The following WDFY3 variants were observed in gnomAD, a reference collection of about 807,000 sequenced individuals.
WDFY3 encodes WD repeat and FYVE domain-containing protein 3.
A neutral mutation model predicts 409.6 loss-of-function variants in WDFY3; 66 were observed. The observed-to-expected ratio is 0.16, with a 90% CI of 0.13 to 0.20. The LOEUF (loss-of-function observed/expected upper bound fraction) is 0.20. WDFY3 is among the 10% of genes least tolerant of loss of function. WDFY3 has a pLI of 1.00. For missense variants in WDFY3, 3,031 were observed against 4,298.1 expected (o/e 0.71, Z 8.24); for synonymous variants, 1,521 against 1,537.1 (o/e 0.99, Z 0.25).
intron 34 of WDFY3, among the ~76,000 whole-genome samples, chr4:84,754,472 T>C (rs918059143): frequency 6.6e-6 from 1 of 152,252 alleles, no homozygotes; most frequent in South Asian, 2.1e-4. Flanking sequence ...ATACATTTAA[T>C]GGTAATGTTC....
At position 84,671,361 on chromosome 4, in the gene WDFY3, G is replaced by C. The variant is rs1027721487; in HGVS notation, c.*1507C>G. On this transcript the variant is annotated 3_prime_UTR_variant, in exon 68 of 68. Coordinates refer to ENST00000295888, the MANE Select transcript of WDFY3 (RefSeq NM_014991.6). ...TTTCCTTTCGCACCTGTGAAGGTGT[G>C]AAGGCCTATCTTGGGCCATTAATGA... The C allele has an allele frequency of 6.6e-6, 1 of 152,522 alleles. No homozygotes were observed. The highest frequency in any genetic ancestry group is 6.6e-5 in the Admixed American group (1 of 15,262). 9.4% of individuals were successfully genotyped at this position (152,522 alleles called of 1,614,324 possible).
intron 2 of WDFY3, among the ~76,000 whole-genome samples, chr4:84,912,136 C>A (rs1231452845): frequency 6.6e-6 from 1 of 152,152 alleles, no homozygotes; most frequent in African/African-American, 2.4e-5. Flanking sequence ...ATATCATAAA[C>A]CTTGACTAAC....
intron 2 of WDFY3, among the ~76,000 whole-genome samples, chr4:84,924,630 G>C (rs1769733599): frequency 1.3e-5 from 2 of 152,078 alleles, no homozygotes. Context: ...GAAAAACCAG[G>C]CTTTAGAAAC....
At chr4:84,949,153 T>A (rs1046551468) in intron 1 of WDFY3, among the ~76,000 whole-genome samples, 2 of 152,136 alleles carry the variant, frequency 1.3e-5, no homozygotes, top group African/African-American at 4.8e-5. Context: ...TCTGCCCTAC[T>A]CTACAACTTG....
chr4:84,951,581 C>A (rs1022443996), intron 1 of WDFY3, among the ~76,000 whole-genome samples: 2 of 152,124 alleles, frequency 1.3e-5, no homozygotes, highest in African/African-American at 4.8e-5. Context: ...CAACAACATG[C>A]CACACATGCT....
intron 29 of WDFY3, among the ~76,000 whole-genome samples, chr4:84,773,158 G>A (rs1176438146): frequency 6.6e-6 from 1 of 151,580 alleles, no homozygotes; most frequent in Non-Finnish European, 1.5e-5. Context: ...TACCACCAGC[G>A]AGAAAGATAA....
At chr4:84,694,629 T>C (rs1338713759) in intron 58 of WDFY3, among the ~76,000 whole-genome samples, 1 of 152,178 alleles carries the variant, frequency 6.6e-6, no homozygotes, top group East Asian at 1.9e-4. Flanking sequence ...TCAGCAAGCA[T>C]TTTGCTTTAA....
intron 1 of WDFY3, among the ~76,000 whole-genome samples, chr4:84,938,716 C>T (rs751752903): frequency 2.6e-5 from 4 of 152,106 alleles, no homozygotes; most frequent in Non-Finnish European, 5.9e-5. Context: ...ACAAAAATCA[C>T]TCATACTCAG....
chr4:84,744,985 G>C (rs1399511571), intron 36 of WDFY3, among the ~76,000 whole-genome samples: 1 of 151,974 alleles, frequency 6.6e-6, no homozygotes, highest in Admixed American at 6.6e-5. Flanking sequence ...GGAGGACGGT[G>C]AACAACCCTA....
intron 13 of WDFY3, 99 bp downstream of exon 13, chr4:84,817,292 AT>A: frequency 8.2e-6 from 12 of 1,462,262 alleles, no homozygotes; most frequent in Admixed American, 2.1e-5. Context: ...GGTAATTTGG[AT>A]TTTTTTTAAT....
chr4:84,789,660 C>CAG, intron 22 of WDFY3, 66 bp downstream of exon 22: 1 of 1,514,072 alleles, frequency 6.6e-7, no homozygotes, highest in East Asian at 2.3e-5. Context: ...CACACACACA[C>CAG]ACACACACAC....
intron 5 of WDFY3, among the ~76,000 whole-genome samples, chr4:84,845,088 AC>A (rs1266001133): frequency 1.3e-5 from 2 of 152,210 alleles, no homozygotes; most frequent in Non-Finnish European, 2.9e-5. Flanking sequence ...TGAGATATCT[AC>A]AGCCCATATC....
intron 1 of WDFY3, among the ~76,000 whole-genome samples, chr4:84,945,893 G>A (rs1439600957): frequency 6.6e-6 from 1 of 152,106 alleles, no homozygotes; most frequent in East Asian, 1.9e-4. Context: ...TGAAAGCAGA[G>A]TTTTATTTCC....
intron 3 of WDFY3, among the ~76,000 whole-genome samples, chr4:84,885,495 C>A (rs1764095554): frequency 6.6e-6 from 1 of 150,982 alleles, no homozygotes; most frequent in African/African-American, 2.4e-5. Context: ...TGTAAGCCAA[C>A]AAAAAAAGAG....
chr4:84,876,911 C>T (rs1176136950), intron 3 of WDFY3, among the ~76,000 whole-genome samples: 1 of 152,184 alleles, frequency 6.6e-6, no homozygotes, highest in African/African-American at 2.4e-5. Context: ...TTACATTAAT[C>T]ATTTGTTCTA....
chr4:84,792,848 T>C (rs543695792), intron 21 of WDFY3, among the ~76,000 whole-genome samples: 1 of 152,204 alleles, frequency 6.6e-6, no homozygotes, highest in Non-Finnish European at 1.5e-5. Context: ...ATTTCCTCTA[T>C]TCATGCATTT....
chr4:84,683,091 A>C (rs1452772778), intron 63 of WDFY3: 1 of 152,666 alleles, frequency 6.6e-6, no homozygotes, highest in African/African-American at 2.4e-5. Context: ...CCAAGAGGGC[A>C]TACAGTAAAC....
rs115396565 is a variant in WDFY3, at chr4:84,713,423, C to A, written c.7962-184G>T. The stretch of plus-strand genomic sequence containing the variant: ...CTCTAAAGAGGAAATAATTTCTTAG[C>A]ACTGAAAACAATAGCACCTTTAGAA... On this transcript the variant is annotated intron_variant, in intron 50 of 67. Transcript: ENST00000295888. Among the ~76,000 whole-genome samples, 1,042 of 152,230 alleles carry A rather than the reference C, an allele frequency of 6.8e-3. 14 individuals are homozygous for A. The highest frequency in any genetic ancestry group is 0.022 in the African/African-American group (917 of 41,536).
chr4:84,853,434 A>G (rs950991740), intron 4 of WDFY3, among the ~76,000 whole-genome samples: 30 of 152,140 alleles, frequency 2.0e-4, no homozygotes, highest in African/African-American at 6.8e-4. Flanking sequence ...TCGGCCTCCC[A>G]AAGTGCTGGG....
Sources: allele counts gnomAD v4.1 joint callset (sites outside exome capture counted in the v4.1 genomes callset), GRCh38; gene constraint gnomAD v4.1.1; transcripts MANE v1.5; gene names NCBI Gene and HGNC (gene_info 2026-07-23, HGNC 2026-07-21).